RARB: variants seen among roughly 807,000 people sequenced by gnomAD.
The protein encoded by RARB is HBV-activated protein.
Under a neutral mutation model 51.9 loss-of-function variants are expected in RARB, and 17 were observed. The ratio of observed to expected loss-of-function variants is 0.33; its 90% CI spans 0.22 to 0.49. The LOEUF (loss-of-function observed/expected upper bound fraction) is 0.49, where lower values mean the gene tolerates loss of function less well. Ranked by LOEUF, RARB falls within the 20% of genes least tolerant of loss-of-function variation. The pLI, the probability that RARB is intolerant of heterozygous loss-of-function variation, is 0.99. For missense variants in RARB, 369 were observed against 550.8 expected (o/e 0.67, Z 3.30); for synonymous variants, 215 against 195.4 (o/e 1.10, Z -0.84).
chr3:25,010,422 C>T (rs1697369428), intron 2 of RARB, among the ~76,000 whole-genome samples: 1 of 151,996 alleles, frequency 6.6e-6, no homozygotes, highest in South Asian at 2.1e-4. Flanking sequence ...TAAAATGATC[C>T]TAATATGTAA....
intron 2 of RARB, among the ~76,000 whole-genome samples, chr3:25,040,685 G>A (rs1204333132): frequency 1.3e-5 from 2 of 152,000 alleles, no homozygotes; most frequent in South Asian, 2.1e-4. Context: ...CCTGGGAGGC[G>A]GAGATTGCAG....
chr3:25,227,759 G>A (rs1238372050), intron 5 of RARB, among the ~76,000 whole-genome samples: 2 of 152,082 alleles, frequency 1.3e-5, no homozygotes, highest in African/African-American at 4.8e-5. Context: ...ACCAGTCTCA[G>A]TGACCATCCC....
At chr3:25,123,799 T>C (rs1559474752) in intron 3 of RARB, among the ~76,000 whole-genome samples, 1 of 152,200 alleles carries the variant, frequency 6.6e-6, no homozygotes, top group South Asian at 2.1e-4. Context: ...TTATCTAGAA[T>C]TGCTTTTTCC....
At position 25,221,570 on chromosome 3, in the gene RARB, A is replaced by G. The variant is rs111584844; in HGVS notation, c.178+46995A>G. On this transcript the variant is annotated intron_variant, in intron 5 of 11. Transcript: ENST00000383772. Reference sequence around the variant, plus strand: ...TCAAAATTCTGCACTAGCCTAAGACATTGGTGGGTATAAGTCTAATCCCCC... The same window carrying G: ...TCAAAATTCTGCACTAGCCTAAGACGTTGGTGGGTATAAGTCTAATCCCCC... Among the ~76,000 whole-genome samples, 888 of 152,286 alleles carry G rather than the reference A, an allele frequency of 5.8e-3. 16 individuals are homozygous for G. The highest frequency in any genetic ancestry group is 0.019 in the African/African-American group (788 of 41,578).
chr3:24,829,731 G>T (rs1474867738), intron 1 of RARB, among the ~76,000 whole-genome samples: 2 of 152,214 alleles, frequency 1.3e-5, no homozygotes, highest in Non-Finnish European at 2.9e-5. Context: ...GTTCTCATTA[G>T]GCCAAACCCG....
intron 5 of RARB, among the ~76,000 whole-genome samples, chr3:25,253,140 C>T (rs1488584401): frequency 2.0e-5 from 3 of 152,260 alleles, no homozygotes; most frequent in East Asian, 1.9e-4. Flanking sequence ...CTTTCTAGTC[C>T]TGTCAACTAC....
At chr3:25,512,358 G>C (rs1459569439) in intron 3 of RARB, among the ~76,000 whole-genome samples, 1 of 152,202 alleles carries the variant, frequency 6.6e-6, no homozygotes, top group East Asian at 1.9e-4. Context: ...GCAAGGTGAT[G>C]GGTAGATGGG....
chr3:25,442,403 G>A (rs1299596410), intron 1 of RARB, among the ~76,000 whole-genome samples: 2 of 152,116 alleles, frequency 1.3e-5, no homozygotes, highest in Middle Eastern at 3.4e-3. Flanking sequence ...CATAGTGCTG[G>A]GATTACAGGC....
chr3:24,919,080 C>A (rs1188122907), intron 2 of RARB, among the ~76,000 whole-genome samples: 1 of 152,096 alleles, frequency 6.6e-6, no homozygotes, highest in Non-Finnish European at 1.5e-5. Context: ...AAGAGTATGT[C>A]CCTCATAGTA....
At chr3:25,364,169 T>C (rs892077715) in intron 5 of RARB, among the ~76,000 whole-genome samples, 3 of 152,220 alleles carry the variant, frequency 2.0e-5, no homozygotes, top group Non-Finnish European at 4.4e-5. Context: ...GATTCTTCTG[T>C]TAGAATCTGA....
At chr3:25,073,760 C>G (rs1190713779) in intron 3 of RARB, among the ~76,000 whole-genome samples, 4 of 151,688 alleles carry the variant, frequency 2.6e-5, no homozygotes, top group Non-Finnish European at 5.9e-5. Context: ...AATAAGGATG[C>G]CTGTAAGTGG....
chr3:25,383,348 T>C (rs1223300972), intron 5 of RARB, among the ~76,000 whole-genome samples: 1 of 152,210 alleles, frequency 6.6e-6, no homozygotes, highest in African/African-American at 2.4e-5. Context: ...GGAAAGAGCA[T>C]GGCTCCTCAG....
chr3:24,883,395 T>TGTGTGTGTG (rs1575052742), intron 2 of RARB, among the ~76,000 whole-genome samples: 15 of 149,668 alleles, frequency 1.0e-4, no homozygotes, highest in South Asian at 6.3e-4. Flanking sequence ...TGTGTGTGTG[T>TGTGTGTGTG]TTAAACCACT....
intron 5 of RARB, among the ~76,000 whole-genome samples, chr3:25,286,839 A>G (rs530857795): frequency 6.6e-6 from 1 of 152,330 alleles, no homozygotes; most frequent in South Asian, 2.1e-4. Flanking sequence ...AAGGAGAAAA[A>G]GTCCACAGCA....
rs193010900 is a variant in RARB at position 25,131,139 on chromosome 3, G to A, written c.-327-1022G>A. Among the ~76,000 whole-genome samples, 99 of 151,950 alleles carry A rather than the reference G, an allele frequency of 6.5e-4. 1 individual carries two copies. The highest frequency in any genetic ancestry group is 2.0e-3 in the African/African-American group (82 of 41,460). ...CAAGCTTCAAGGGAAAGTCACTTGA[G>A]ATCTTAGGACATGCCCAGAAATCAA... On this transcript the variant is annotated intron_variant, in intron 3 of 11. Transcript: ENST00000383772.
intron 2 of RARB, among the ~76,000 whole-genome samples, chr3:24,966,606 ATCTCTCTCTC>A (rs55848511): frequency 1.1e-3 from 155 of 140,340 alleles, no homozygotes; most frequent in African/African-American, 1.3e-3. Flanking sequence ...GTTTACATTC[ATCTCTCTCTC>A]TCTCTCTCTC....
intron 2 of RARB, among the ~76,000 whole-genome samples, chr3:24,920,399 T>G (rs60488460): frequency 0.039 from 5,926 of 152,274 alleles, 152 homozygotes; most frequent in Middle Eastern, 0.082. Flanking sequence ...TCAGGAAATC[T>G]AAATATTGTA....
At chr3:25,266,190 A>G (rs1703121141) in intron 5 of RARB, among the ~76,000 whole-genome samples, 1 of 152,124 alleles carries the variant, frequency 6.6e-6, no homozygotes, top group Non-Finnish European at 1.5e-5. Flanking sequence ...GGACATAAAT[A>G]TCTTTGGGGG....
chr3:25,521,921 T>C (rs985332121), intron 3 of RARB, among the ~76,000 whole-genome samples: 2 of 152,128 alleles, frequency 1.3e-5, no homozygotes, highest in South Asian at 4.1e-4. Context: ...CTGCTCCAAA[T>C]ACAGTAGAGA....
Sources: gnomAD v4.1 joint callset for allele counts (sites outside exome capture counted in the v4.1 genomes callset) on GRCh38, gnomAD v4.1.1 for gene constraint, MANE v1.5 for transcripts, NCBI Gene and HGNC (gene_info 2026-07-23, HGNC 2026-07-21) for gene names.